ITFG1: variants seen among roughly 807,000 people sequenced by gnomAD.
ITFG1 encodes T-cell immunomodulatory protein.
A neutral mutation model predicts 81.8 loss-of-function variants in ITFG1; 34 were observed. That is an observed-to-expected ratio of 0.42 (90% CI 0.32 to 0.55). ITFG1 has a LOEUF of 0.55. ITFG1 is among the 20% of genes least tolerant of loss of function. The pLI is 0.17. For synonymous variants in ITFG1, 285 were observed against 270.6 expected (o/e 1.05, Z -0.52); for missense variants, 672 against 755.4 (o/e 0.89, Z 1.29).
chr16:47,421,825 C>G (rs530287574), intron 6 of ITFG1, among the ~76,000 whole-genome samples: 1 of 152,238 alleles, frequency 6.6e-6, no homozygotes, highest in South Asian at 2.1e-4. Flanking sequence ...CTATACCTCC[C>G]ACAGTCCCCC....
At chr16:47,260,827 T>A in intron 10 of ITFG1, 132 bp from the exon 11 acceptor site, 1 of 1,000,828 alleles carries the variant, frequency 1.0e-6, no homozygotes, top group Non-Finnish European at 1.5e-6. Flanking sequence ...TCTCCACATT[T>A]TTTGTTTATA....
intron 6 of ITFG1, among the ~76,000 whole-genome samples, chr16:47,408,377 G>A (rs1387693880): frequency 6.6e-6 from 1 of 152,184 alleles, no homozygotes; most frequent in African/African-American, 2.4e-5. Flanking sequence ...TCCTAAGCAG[G>A]CATTCTGAGT....
intron 8 of ITFG1, among the ~76,000 whole-genome samples, chr16:47,322,982 T>C (rs1967470763): frequency 2.0e-5 from 3 of 146,708 alleles, no homozygotes; most frequent in Admixed American, 6.6e-5. Context: ...TTGATATAAA[T>C]ATTTTTGTTA....
At chr16:47,383,775 A>G (rs1968424980) in intron 6 of ITFG1, among the ~76,000 whole-genome samples, 1 of 152,210 alleles carries the variant, frequency 6.6e-6, no homozygotes, top group Non-Finnish European at 1.5e-5. Context: ...ATGGTGGCGC[A>G]TGCCTGTAAT....
chr16:47,380,139 A>G (rs1157824510), intron 6 of ITFG1, among the ~76,000 whole-genome samples: 1 of 152,016 alleles, frequency 6.6e-6, no homozygotes, highest in Non-Finnish European at 1.5e-5. Context: ...AAGGGAACCC[A>G]AGAAGGTTAA....
intron 12 of ITFG1, among the ~76,000 whole-genome samples, chr16:47,256,463 C>T (rs1966140758): frequency 6.6e-6 from 1 of 152,180 alleles, no homozygotes; most frequent in African/African-American, 2.4e-5. Context: ...TTAAGAATTT[C>T]TTGCCTTCTT....
At chr16:47,401,812 C>G (rs914501319) in intron 6 of ITFG1, among the ~76,000 whole-genome samples, 1 of 152,016 alleles carries the variant, frequency 6.6e-6, no homozygotes, top group South Asian at 2.1e-4. Context: ...TCAAGCTTGT[C>G]TGGTCACTAG....
intron 8 of ITFG1, among the ~76,000 whole-genome samples, chr16:47,326,795 C>G (rs1014841293): frequency 6.6e-5 from 10 of 152,210 alleles, no homozygotes; most frequent in Admixed American, 1.3e-4. Flanking sequence ...TCAAGGAGAA[C>G]TACAAACCAC....
At chr16:47,285,353 C>A (rs1966865896) in intron 10 of ITFG1, among the ~76,000 whole-genome samples, 1 of 152,180 alleles carries the variant, frequency 6.6e-6, no homozygotes, top group South Asian at 2.1e-4. Flanking sequence ...GAGCCCCTGC[C>A]CCGTACCTCA....
intron 8 of ITFG1, among the ~76,000 whole-genome samples, chr16:47,354,671 A>T (rs982491245): frequency 3.3e-5 from 5 of 152,088 alleles, no homozygotes; most frequent in Non-Finnish European, 7.4e-5. Context: ...TTAATATAAG[A>T]ATTAATAAGG....
chr16:47,264,978 T>C (rs1342716404), intron 10 of ITFG1, among the ~76,000 whole-genome samples: 3 of 152,146 alleles, frequency 2.0e-5, no homozygotes, highest in Admixed American at 2.0e-4. Context: ...CATATCCTTG[T>C]TTGTAAGATG....
rs575358989 is a variant in ITFG1, at chr16:47,160,540, A to C, written c.1661+1210T>G. Among the ~76,000 whole-genome samples, 4 of 152,234 alleles carry C rather than the reference A, an allele frequency of 2.6e-5. No homozygotes were observed. In the South Asian group the frequency reaches 6.2e-4, roughly 24 times the overall value. On this transcript the variant is annotated intron_variant, in intron 16 of 17. Transcript: ENST00000320640. ...GTCCAGATTTTCTAGTTTTACTGTA[A>C]ATTTCATCTATAGAAAACTAACACA...
At chr16:47,217,501 C>G (rs1385251316) in intron 14 of ITFG1, among the ~76,000 whole-genome samples, 1 of 152,200 alleles carries the variant, frequency 6.6e-6, no homozygotes, top group African/African-American at 2.4e-5. Context: ...ACTGATAAAA[C>G]CAGCTGGTCC....
chr16:47,336,392 T>G (rs1317835326), intron 8 of ITFG1, among the ~76,000 whole-genome samples: 1 of 152,226 alleles, frequency 6.6e-6, no homozygotes, highest in Admixed American at 6.5e-5. Context: ...GTGGTAGCAG[T>G]GCTGAAGCAG....
intron 8 of ITFG1, among the ~76,000 whole-genome samples, chr16:47,352,861 T>C (rs1596922287): frequency 6.6e-6 from 1 of 152,200 alleles, no homozygotes; most frequent in Non-Finnish European, 1.5e-5. Context: ...ATATACACCA[T>C]GGAATACTAT....
At chr16:47,183,224 G>A (rs1965157391) in intron 14 of ITFG1, among the ~76,000 whole-genome samples, 2 of 152,342 alleles carry the variant, frequency 1.3e-5, no homozygotes, top group African/African-American at 4.8e-5. Flanking sequence ...CCATTGCCCA[G>A]GCTTGCTTAG....
chr16:47,354,804 T>C (rs930418499), intron 8 of ITFG1, among the ~76,000 whole-genome samples: 7 of 152,010 alleles, frequency 4.6e-5, no homozygotes, highest in African/African-American at 1.7e-4. Context: ...CTCAACATCA[T>C]GAATCATCAG....
intron 7 of ITFG1, among the ~76,000 whole-genome samples, chr16:47,370,912 T>C (rs995758027): frequency 2.6e-5 from 4 of 152,210 alleles, no homozygotes; most frequent in Admixed American, 6.5e-5. Context: ...TTTGAAACTA[T>C]ATATTATTGT....
chr16:47,283,907 T>C (rs1256639410), intron 10 of ITFG1, among the ~76,000 whole-genome samples: 1 of 152,200 alleles, frequency 6.6e-6, no homozygotes, highest in Admixed American at 6.5e-5. Context: ...GAAAATTACT[T>C]GGCAATAAAA....
Sources: allele counts gnomAD v4.1 joint callset (sites outside exome capture counted in the v4.1 genomes callset), GRCh38; gene constraint gnomAD v4.1.1; transcripts MANE v1.5; gene names NCBI Gene and HGNC (gene_info 2026-07-23, HGNC 2026-07-21).